AKAP13: variants seen among roughly 807,000 people sequenced by gnomAD.
The protein encoded by AKAP13 is A-kinase anchor protein 13.
AKAP13 carries 80 observed loss-of-function variants against 264.5 expected under a neutral mutation model. That is an observed-to-expected ratio of 0.30 (90% confidence interval 0.25 to 0.36). The LOEUF is 0.36. Among genes scored for constraint, AKAP13 ranks in the 10% least tolerant of loss-of-function variants. The pLI is 1.00. For missense variants in AKAP13, 3,712 were observed against 3,435.2 expected, an observed-to-expected ratio of 1.08 and a Z score of -2.01; for synonymous variants, 1,380 against 1,250.2, an observed-to-expected ratio of 1.10 and a Z score of -2.19.
chr15:85,413,199 A>C (rs1027239245), intron 1 of AKAP13, among the ~76,000 whole-genome samples: 6 of 152,188 alleles, frequency 3.9e-5, no homozygotes, highest in Non-Finnish European at 8.8e-5. Flanking sequence ...GATCCTGCGC[A>C]TGTTTTCTTT....
At chr15:85,467,926 T>C (rs2074810080) in intron 1 of AKAP13, among the ~76,000 whole-genome samples, 1 of 152,168 alleles carries the variant, frequency 6.6e-6, no homozygotes, top group Non-Finnish European at 1.5e-5. Flanking sequence ...GGAGGCAGAG[T>C]TGAGGAGGAC....
intron 5 of AKAP13, among the ~76,000 whole-genome samples, chr15:85,574,513 G>T (rs558950208): frequency 5.3e-5 from 8 of 152,138 alleles, no homozygotes; most frequent in Non-Finnish European, 1.0e-4. Flanking sequence ...TAAATTTTAC[G>T]AATTTTAACT....
chr15:85,479,294 T>A (rs2075280299), intron 1 of AKAP13, among the ~76,000 whole-genome samples: 1 of 152,188 alleles, frequency 6.6e-6, no homozygotes, highest in Non-Finnish European at 1.5e-5. Flanking sequence ...AGTTTTTGGA[T>A]CCTGTTATTT....
intron 10 of AKAP13, among the ~76,000 whole-genome samples, chr15:85,654,600 G>A (rs1368497922): frequency 6.6e-6 from 1 of 152,120 alleles, no homozygotes; most frequent in Non-Finnish European, 1.5e-5. Flanking sequence ...GCCAAGGCAA[G>A]AGGATCCCAG....
intron 14 of AKAP13, among the ~76,000 whole-genome samples, chr15:85,673,070 A>G (rs574238924): frequency 6.6e-6 from 1 of 152,292 alleles, no homozygotes; most frequent in East Asian, 1.9e-4. Context: ...ACAGTTTATC[A>G]CAGCTGTCAG....
In AKAP13 at chr15:85,653,116, C is replaced by A. The variant is rs372165952; in HGVS notation, c.4375-2301C>A. ...TGAATAGGACCCCTTTAGGAAACCCCTGAGTCCCTCACTCAGAAAGCATAG... is the reference window on the plus strand; with the variant it reads ...TGAATAGGACCCCTTTAGGAAACCCATGAGTCCCTCACTCAGAAAGCATAG... On this transcript the variant is annotated intron_variant, in intron 10 of 36. Transcript: ENST00000394518. 8.5e-5 allele frequency among the ~76,000 whole-genome samples: 13 copies of A among 152,298 alleles called. No individual in the cohort carries two copies. In the East Asian group the frequency reaches 2.3e-3, roughly 27 times the overall value.
chr15:85,713,579 T>TGGGGGC (rs1288556586), intron 19 of AKAP13, among the ~76,000 whole-genome samples: 3 of 10,532 alleles, frequency 2.8e-4, no homozygotes, highest in Admixed American at 1.0e-3. Context: ...GGGGTGGGGG[T>TGGGGGC]GGGGGCAGAG....
intron 1 of AKAP13, among the ~76,000 whole-genome samples, chr15:85,399,697 G>A (rs1237305850): frequency 2.0e-5 from 3 of 151,836 alleles, no homozygotes; most frequent in East Asian, 1.9e-4. Flanking sequence ...GGTGCTAAAC[G>A]TTAATCTGAG....
intron 17 of AKAP13, among the ~76,000 whole-genome samples, chr15:85,700,718 A>G (rs1275010492): frequency 2.0e-5 from 3 of 152,220 alleles, no homozygotes; most frequent in African/African-American, 7.2e-5. Flanking sequence ...AAATTTTAAC[A>G]TCAACATATC....
At chr15:85,388,210 A>ATT (rs576182387) in intron 1 of AKAP13, among the ~76,000 whole-genome samples, 1 of 140,126 alleles carries the variant, frequency 7.1e-6, no homozygotes, top group South Asian at 2.3e-4. Context: ...TAATTTTTGT[A>ATT]TTTTTTTTTT....
intron 1 of AKAP13, among the ~76,000 whole-genome samples, chr15:85,437,551 C>T (rs1204195473): frequency 6.6e-6 from 1 of 151,770 alleles, no homozygotes; most frequent in Non-Finnish European, 1.5e-5. Context: ...CCTTGATGAA[C>T]ATTGATGCAA....
chr15:85,554,589 C>CT (rs1055191257), intron 5 of AKAP13, among the ~76,000 whole-genome samples: 71 of 148,074 alleles, frequency 4.8e-4, no homozygotes, highest in Non-Finnish European at 3.6e-4. Context: ...ACTTTTTTTT[C>CT]TTTTTTTTTT....
chr15:85,437,507 GAC>G (rs1217033053), intron 1 of AKAP13, among the ~76,000 whole-genome samples: 5 of 151,026 alleles, frequency 3.3e-5, no homozygotes, highest in Non-Finnish European at 7.4e-5. Flanking sequence ...GCCGGGCAGA[GAC>G]ACAACCAAAA....
intron 13 of AKAP13, among the ~76,000 whole-genome samples, chr15:85,667,636 T>G (rs532648933): frequency 5.3e-5 from 8 of 152,356 alleles, no homozygotes; most frequent in African/African-American, 1.9e-4. Context: ...AGGCCAAGAC[T>G]GACATATCCC....
intron 1 of AKAP13, among the ~76,000 whole-genome samples, chr15:85,476,066 G>A (rs947463639): frequency 1.3e-5 from 2 of 152,118 alleles, no homozygotes; most frequent in Non-Finnish European, 2.9e-5. Flanking sequence ...TGATAGTGTG[G>A]GTTAGATTAT....
chr15:85,654,195 A>G (rs1337295198), intron 10 of AKAP13, among the ~76,000 whole-genome samples: 2 of 152,262 alleles, frequency 1.3e-5, no homozygotes, highest in African/African-American at 2.4e-5. Flanking sequence ...TCTCAGTGAA[A>G]TGAGAAAAAT....
intron 7 of AKAP13, among the ~76,000 whole-genome samples, chr15:85,584,086 C>T (rs957805454): frequency 2.0e-5 from 3 of 152,142 alleles, no homozygotes; most frequent in Non-Finnish European, 4.4e-5. Context: ...AGAAAAAGCA[C>T]CTGAGTGTGA....
intron 5 of AKAP13, among the ~76,000 whole-genome samples, chr15:85,552,794 A>AT (rs150645202): frequency 1.8e-4 from 28 of 151,768 alleles, no homozygotes; most frequent in African/African-American, 6.3e-4. Flanking sequence ...TGCCCGGCTA[A>AT]TTTTTTTGTA....
At chr15:85,583,191 T>G in intron 7 of AKAP13, 1 of 984,636 alleles carries the variant, frequency 1.0e-6, no homozygotes, top group Non-Finnish European at 1.2e-6. Context: ...TTTGTCTTTA[T>G]TGTTTATTTT....
Sources: gnomAD v4.1 joint callset for allele counts (sites outside exome capture counted in the v4.1 genomes callset) on GRCh38, gnomAD v4.1.1 for gene constraint, MANE v1.5 for transcripts, NCBI Gene and HGNC (gene_info 2026-07-23, HGNC 2026-07-21) for gene names.